The following USP3 variants were observed in gnomAD, a reference collection of about 807,000 sequenced individuals.
The protein encoded by USP3 is ubiquitin specific peptidase 3.
USP3 carries 20 observed loss-of-function variants against 72.3 expected under a neutral mutation model. The observed-to-expected ratio is 0.28, with a 90% CI of 0.19 to 0.40. The LOEUF (loss-of-function observed/expected upper bound fraction) is 0.40. Among genes scored for constraint, USP3 ranks in the 10% least tolerant of loss-of-function variants. The probability of loss-of-function intolerance (pLI) is 1.00; values close to 1 mark genes in which losing one functional copy is unlikely to be tolerated. For missense variants in USP3, 479 were observed against 633.9 expected, an observed-to-expected ratio of 0.76 and a Z score of 2.62; for synonymous variants, 222 against 225.3, an observed-to-expected ratio of 0.99 and a Z score of 0.13.
chr15:63,511,285 GTC>G (rs1491403870), intron 1 of USP3, among the ~76,000 whole-genome samples: 2 of 11,668 alleles, frequency 1.7e-4, no homozygotes, highest in Admixed American at 1.1e-3. Flanking sequence ...AAAAAAAAGA[GTC>G]TTTATTTTGT....
At position 63,589,211 on chromosome 15, in the gene USP3, T is replaced by C. The variant is rs547057892; in HGVS notation, c.1397+200T>C. On this transcript the variant is annotated intron_variant, in intron 14 of 14. Transcript: ENST00000380324. ...TAAGGGAAGGTAAATAAAAGTGAAATGAAGAATGGTTCATTTGAACCCAGT... is the reference window on the plus strand; with the variant it reads ...TAAGGGAAGGTAAATAAAAGTGAAACGAAGAATGGTTCATTTGAACCCAGT... 1.6e-4 allele frequency: 95 copies of C among 592,138 alleles called. No homozygotes were observed. The African/African-American group carries it at 1.7e-3, about 10-fold the overall frequency. The allele number at this position is 592,138 out of a possible 1,614,324, so 36.7% of individuals were successfully genotyped here.
chr15:63,546,821 G>C (rs2066335916), intron 3 of USP3, among the ~76,000 whole-genome samples: 1 of 152,134 alleles, frequency 6.6e-6, no homozygotes, highest in Non-Finnish European at 1.5e-5. Context: ...TGTTAGCCAG[G>C]ATGGTCTCAG....
chr15:63,515,623 G>A (rs752581649), intron 1 of USP3: 4 of 152,142 alleles, frequency 2.6e-5, no homozygotes, highest in Non-Finnish European at 5.9e-5. Context: ...GTAGGTGCCT[G>A]ACCCCAAATG....
chr15:63,504,767 G>C lies in USP3; in HGVS notation c.28G>C (p.Val10Leu), dbSNP rs1320807767. The C allele has an allele frequency of 1.2e-6, 2 of 1,611,460 alleles. No homozygotes were observed. Among genetic ancestry groups the C allele is most frequent in the African/African-American group, 2.7e-5 (2 of 74,698 alleles). Reference protein sequence around the residue: MECPHLSSSVCIAPDSAKFP... With the variant: MECPHLSSSLCIAPDSAKFP... ...GGAGTGTCCACACCTGAGCTCCAGC[G>C]TCTGCATTGCTCCGGACTCAGCCAA... Residue 10 changes from valine (V) to leucine (L), a missense_variant, in exon 1 of 15, where the codon GTC becomes CTC. Val to Leu is a conservative substitution (Grantham distance 32). Coordinates refer to ENST00000380324, the MANE Select transcript of USP3 (RefSeq NM_006537.4).
At chr15:63,512,019 C>T (rs560896820) in intron 1 of USP3, among the ~76,000 whole-genome samples, 12 of 143,268 alleles carry the variant, frequency 8.4e-5, no homozygotes, top group South Asian at 2.2e-4. Context: ...TGTGATGGCA[C>T]GATCTTGTCT....
intron 1 of USP3, among the ~76,000 whole-genome samples, chr15:63,521,204 C>G (rs543835904): frequency 7.1e-6 from 1 of 141,460 alleles, no homozygotes; most frequent in East Asian, 2.0e-4. Context: ...TAGGAATTTT[C>G]CTTATTCTCT....
intron 3 of USP3, among the ~76,000 whole-genome samples, chr15:63,545,079 T>C (rs2152665617): frequency 6.6e-6 from 1 of 152,168 alleles, no homozygotes; most frequent in East Asian, 1.9e-4. Context: ...TAAATCAAAA[T>C]CTAAAAAGGC....
intron 3 of USP3, chr15:63,541,929 T>A (rs1394152879): frequency 6.2e-6 from 2 of 322,288 alleles, no homozygotes; most frequent in Non-Finnish European, 8.9e-6. Context: ...TTATTTATTT[T>A]TGGTATTAGT....
chr15:63,529,026 T>A lies in USP3; in HGVS notation c.92-3621T>A. On this transcript the variant is annotated intron_variant, in intron 1 of 14. Transcript: ENST00000380324. The surrounding 1 kb of genome is among the most constrained non-coding windows in gnomAD (Gnocchi z 4.2). ...TGTATCTTTCTAGCCTTCAAATGTT[T>A]ATCTGGTGTGACTGTATTATGCCCT... The A allele has an allele frequency of 7.8e-7, 1 of 1,289,062 alleles. No homozygotes were observed. Among genetic ancestry groups the A allele is most frequent in the Non-Finnish European group, 1.0e-6 (1 of 988,646 alleles). 79.9% of individuals were successfully genotyped at this position (1,289,062 alleles called of 1,614,324 possible).
Position 63,590,916 on chromosome 15 carries a change from G to A in USP3, c.*90G>A. 1 of 1,413,260 alleles carries A rather than the reference G, an allele frequency of 7.1e-7. No homozygotes were observed. The highest frequency in any genetic ancestry group is 1.5e-5 in the African/African-American group (1 of 68,830). The allele number at this position is 1,413,260 out of a possible 1,614,324, so 87.5% of individuals were successfully genotyped here. ...TTGATACAAGATTTAATTTCATTAT[G>A]CACTTTTCAATTTCCTATTTTGGAT... On this transcript the variant is annotated 3_prime_UTR_variant, in exon 15 of 15. Transcript: ENST00000380324.
In USP3 at chr15:63,588,079, G is replaced by T. The variant is rs2067111890; in HGVS notation, c.1097-226G>T. On this transcript the variant is annotated intron_variant, in intron 11 of 14. Coordinates refer to ENST00000380324, the MANE Select transcript of USP3 (RefSeq NM_006537.4). This position sits in a 1 kb window ranked among gnomAD's most constrained non-coding sequence, Gnocchi z 4.6. ...AAACCAACACAATTGATCATCACCA[G>T]ATGTCAGGCATGATGCCAGGTGCTC... is the stretch of plus-strand genomic sequence containing the variant. 1.0e-5 allele frequency: 4 copies of T among 383,818 alleles called. No homozygotes were observed. 23.8% of individuals were successfully genotyped at this position (383,818 alleles called of 1,614,324 possible). A position where few individuals can be genotyped will look rare whatever the true frequency, so the allele number is the denominator to read the frequency against.
chr15:63,513,585 C>T (rs979024342), intron 1 of USP3, among the ~76,000 whole-genome samples: 4 of 152,010 alleles, frequency 2.6e-5, no homozygotes, highest in Non-Finnish European at 4.4e-5. Flanking sequence ...CTCGATGTTA[C>T]CCAGGTCTTG....
chr15:63,555,752 GCT>G (rs2066497465), intron 4 of USP3, among the ~76,000 whole-genome samples: 1 of 152,144 alleles, frequency 6.6e-6, no homozygotes, highest in African/African-American at 2.4e-5. Context: ...TCATCTTGTG[GCT>G]ACCAGTACTG....
chr15:63,584,151 G>A (rs1007039248), intron 11 of USP3, among the ~76,000 whole-genome samples: 2 of 140,450 alleles, frequency 1.4e-5, no homozygotes, highest in Non-Finnish European at 3.0e-5. Flanking sequence ...AGGCTGGAGT[G>A]CAGTGGCATG....
chr15:63,565,377 T>C (rs2066673252), intron 8 of USP3, among the ~76,000 whole-genome samples: 1 of 152,218 alleles, frequency 6.6e-6, no homozygotes, highest in South Asian at 2.1e-4. Context: ...AACATACATA[T>C]GTACTTACCA....
intron 3 of USP3, among the ~76,000 whole-genome samples, chr15:63,545,988 AAAAAAAAC>A (rs2066319987): frequency 6.8e-6 from 1 of 146,876 alleles, no homozygotes; most frequent in African/African-American, 2.5e-5. Flanking sequence ...AAAAAAAAAA[AAAAAAAAC>A]AGTAGAGCTC....
intron 1 of USP3, among the ~76,000 whole-genome samples, chr15:63,505,449 G>A (rs941208935): frequency 1.3e-5 from 2 of 152,238 alleles, no homozygotes; most frequent in African/African-American, 2.4e-5. Flanking sequence ...GTCAGGGATG[G>A]TGAAGTTTGA....
chr15:63,574,678 T>C lies in USP3; in HGVS notation c.1096+275T>C, dbSNP rs62012772. On this transcript the variant is annotated intron_variant, in intron 11 of 14. Coordinates refer to ENST00000380324, the MANE Select transcript of USP3 (RefSeq NM_006537.4). The surrounding 1 kb of genome is among the most constrained non-coding windows in gnomAD (Gnocchi z 4.6). ...AGAAGGTCTGTAGCAAAAGTTTTTCTGACCAAATGAAACAGAAGTTATTCT... is the reference window on the plus strand; with the variant it reads ...AGAAGGTCTGTAGCAAAAGTTTTTCCGACCAAATGAAACAGAAGTTATTCT... Among the ~76,000 whole-genome samples the C allele has an allele frequency of 0.13, 20,272 of 152,244 alleles. 1,850 individuals carry two copies. Among genetic ancestry groups the C allele is most frequent in the South Asian group, 0.2 (951 of 4,822 alleles).
intron 3 of USP3, among the ~76,000 whole-genome samples, chr15:63,547,972 G>A (rs1448548406): frequency 6.6e-6 from 1 of 150,608 alleles, no homozygotes; most frequent in East Asian, 2.0e-4. Context: ...AATTAGCCAA[G>A]CATGGTAGCG....
Sources: allele counts gnomAD v4.1 joint callset (sites outside exome capture counted in the v4.1 genomes callset), GRCh38; gene constraint gnomAD v4.1.1; non-coding constraint Gnocchi (gnomAD v3.1); transcripts MANE v1.5; gene names NCBI Gene and HGNC (gene_info 2026-07-23, HGNC 2026-07-21).